Variants in PDE12 observed in about 807,000 individuals in gnomAD.
The protein encoded by PDE12 is 2',5'-phosphodiesterase 12.
In PDE12, 26 loss-of-function variants were observed where a neutral mutation model predicts 45.4. The observed-to-expected ratio is 0.57, with a 90% CI of 0.42 to 0.79. The LOEUF is 0.79. PDE12 is among the 30% of genes least tolerant of loss of function. PDE12 has a pLI of 0.00. For missense variants in PDE12, 668 were observed against 790.0 expected, an observed-to-expected ratio of 0.85 and a Z score of 1.85; for synonymous variants, 283 against 323.9, an observed-to-expected ratio of 0.87 and a Z score of 1.36.
the PDE12 span, chr3:57,597,306 G>C: frequency 4.7e-6 from 3 of 635,806 alleles, no homozygotes; most frequent in Non-Finnish European, 8.2e-6. Context: ...ATGAAGATCC[G>C]GCACAGGAAT....
the PDE12 span, among the ~76,000 whole-genome samples, chr3:57,631,711 GCTCT>G: frequency 2.3e-4 from 34 of 145,500 alleles, no homozygotes; most frequent in East Asian, 8.1e-4. Context: ...TTTGGTCTCT[GCTCT>G]CTTTTTTTTT....
the PDE12 span, among the ~76,000 whole-genome samples, chr3:57,616,966 G>A: frequency 6.6e-6 from 1 of 152,188 alleles, no homozygotes; most frequent in African/African-American, 2.4e-5. Context: ...GGAGGTTGCA[G>A]TGAGTCAAGA....
chr3:57,597,362 T>C, the PDE12 span: 6 of 471,580 alleles, frequency 1.3e-5, no homozygotes, highest in South Asian at 2.3e-5. Context: ...CAGCTCCGGC[T>C]CTAGCCTTTA....
the PDE12 span, among the ~76,000 whole-genome samples, chr3:57,648,568 A>G: frequency 6.6e-6 from 1 of 152,342 alleles, no homozygotes; most frequent in East Asian, 1.9e-4. Context: ...AAGTAAGACT[A>G]AGCAAAAAGA....
chr3:57,583,059 T>C, the PDE12 span, among the ~76,000 whole-genome samples: 1 of 152,140 alleles, frequency 6.6e-6, no homozygotes, highest in Non-Finnish European at 1.5e-5. Flanking sequence ...CTACAATGCA[T>C]AGAGAGCCCT....
the PDE12 span, among the ~76,000 whole-genome samples, chr3:57,615,462 AAGAG>A: frequency 6.6e-6 from 1 of 152,136 alleles, no homozygotes; most frequent in African/African-American, 2.4e-5. Context: ...TAACTAAAAA[AAGAG>A]AGAGAAAATT....
At chr3:57,611,736 C>T in the PDE12 span, among the ~76,000 whole-genome samples, 1 of 152,166 alleles carries the variant, frequency 6.6e-6, no homozygotes, top group African/African-American at 2.4e-5. Flanking sequence ...CAGGAAACAA[C>T]AGGTGCTAGA....
At chr3:57,575,696 TAAC>T in the PDE12 span, 1 of 1,592,180 alleles carries the variant, frequency 6.3e-7, no homozygotes, top group Non-Finnish European at 8.5e-7. Flanking sequence ...GGTAAGGCAT[TAAC>T]AACTACCAAC....
chr3:57,604,803 G>C, the PDE12 span, among the ~76,000 whole-genome samples: 1 of 151,658 alleles, frequency 6.6e-6, no homozygotes, highest in South Asian at 2.1e-4. Context: ...TTTAGAGATG[G>C]GGTCTTGCTT....
At chr3:57,602,288 T>G in the PDE12 span, among the ~76,000 whole-genome samples, 1 of 152,180 alleles carries the variant, frequency 6.6e-6, no homozygotes, top group Non-Finnish European at 1.5e-5. Flanking sequence ...TTTTGCCATT[T>G]CCTCCTAACC....
At chr3:57,607,092 A>T in the PDE12 span, among the ~76,000 whole-genome samples, 1 of 152,192 alleles carries the variant, frequency 6.6e-6, no homozygotes, top group Non-Finnish European at 1.5e-5. Flanking sequence ...GTTTAGCAAT[A>T]TTCATGGTTC....
At chr3:57,625,506 C>T in the PDE12 span, 2 of 152,458 alleles carry the variant, frequency 1.3e-5, no homozygotes, top group Non-Finnish European at 2.9e-5. Context: ...CCATAAATGC[C>T]TTCACAAAAC....
chr3:57,642,352 G>A, the PDE12 span, among the ~76,000 whole-genome samples: 3 of 150,530 alleles, frequency 2.0e-5, no homozygotes, highest in Non-Finnish European at 4.4e-5. Flanking sequence ...AATCACAAAG[G>A]AGAACCTATG....
chr3:57,565,401 T>C lies in PDE12; in HGVS notation c.*5397T>C, dbSNP rs1306171204. 1 of 152,214 alleles carries C rather than the reference T, an allele frequency of 6.6e-6. No homozygotes were observed. The highest frequency in any genetic ancestry group is 1.5e-5 in the Non-Finnish European group (1 of 68,046). The allele number at this position is 152,214 out of a possible 1,614,324, so 9.4% of individuals were successfully genotyped here. ...GGTGTATATATTTATGTGGGACATA[T>C]TTCTTTTGATAGAGTAAATTGAGTA... On this transcript the variant is annotated 3_prime_UTR_variant, in exon 3 of 3. Transcript: ENST00000311180.
chr3:57,557,578 C>A lies in PDE12; in HGVS notation c.1199C>A (p.Ser400Ter). The A allele has an allele frequency of 6.2e-7, 1 of 1,614,120 alleles. No homozygotes were observed. Among genetic ancestry groups the A allele is most frequent in the Non-Finnish European group, 8.5e-7 (1 of 1,180,024 alleles). The change falls in exon 1 of 3, where the codon TCA (serine) becomes TAA (stop). Residue 400 changes from serine to a stop codon, truncating the protein, a stop_gained. Coordinates refer to ENST00000311180, the MANE Select transcript of PDE12 (RefSeq NM_177966.7). LOFTEE classifies it high-confidence loss of function. ...KFSLLSQHDI[S>*]FYEALESDPL... Reference sequence around the variant, plus strand: ...AGCCTTCTTAGCCAGCATGACATTTCATTCTACGAAGCCCTCGAGTCCGAC... The same window carrying A: ...AGCCTTCTTAGCCAGCATGACATTTAATTCTACGAAGCCCTCGAGTCCGAC...
downstream of PDE12, among the ~76,000 whole-genome samples, chr3:57,569,984 T>C (rs1300499516): frequency 3.3e-5 from 5 of 152,134 alleles, no homozygotes; most frequent in Admixed American, 6.6e-5. Context: ...GCTGAACTTA[T>C]TCACTGATGT....
the PDE12 span, chr3:57,645,626 G>A: frequency 6.7e-7 from 1 of 1,498,066 alleles, no homozygotes; most frequent in Non-Finnish European, 9.2e-7. Flanking sequence ...GGTTATAAAG[G>A]TAATACCTGG....
At chr3:57,594,773 T>G in the PDE12 span, among the ~76,000 whole-genome samples, 3 of 152,212 alleles carry the variant, frequency 2.0e-5, no homozygotes, top group Non-Finnish European at 4.4e-5. Context: ...ACATTAATAA[T>G]TCCAACAGTT....
At chr3:57,570,208 G>A (rs1434538250), downstream of PDE12, among the ~76,000 whole-genome samples, 1 of 139,458 alleles carries the variant, frequency 7.2e-6, no homozygotes, top group African/African-American at 2.7e-5. Context: ...TTTCCTTTTG[G>A]TTAATCCAGT....
Sources: gnomAD v4.1 joint callset for allele counts (sites outside exome capture counted in the v4.1 genomes callset) on GRCh38, gnomAD v4.1.1 for gene constraint, MANE v1.5 for transcripts, NCBI Gene and HGNC (gene_info 2026-07-23, HGNC 2026-07-21) for gene names.